Variants in DMD observed in about 807,000 individuals in gnomAD.
DMD encodes the protein dystrophin.
In DMD, 63 loss-of-function variants were observed where a neutral mutation model predicts 330.1. That is an observed-to-expected ratio of 0.19 (90% CI 0.16 to 0.24). The LOEUF (loss-of-function observed/expected upper bound fraction) is 0.24. Ranked by LOEUF, DMD falls within the 10% of genes least tolerant of loss-of-function variation. The probability of loss-of-function intolerance (pLI) is 1.00; values close to 1 mark genes in which losing one functional copy is unlikely to be tolerated. For synonymous variants in DMD, 1,223 were observed against 959.8 expected, an observed-to-expected ratio of 1.27 and a Z score of -5.07; for missense variants, 3,344 against 2,684.1, an observed-to-expected ratio of 1.25 and a Z score of -5.43.
chrX:32,376,309 G>A (rs1477946747), intron 34 of DMD, among the ~76,000 whole-genome samples: 4 of 111,112 alleles, frequency 3.6e-5, no homozygotes, highest in South Asian at 3.7e-4. Flanking sequence ...TCTTTCTTTC[G>A]GTATCTATTT....
rs556615104 is a variant in DMD at position 31,684,716 on chromosome X, G to A, written c.7661-5130C>T. 7.1e-5 allele frequency among the ~76,000 whole-genome samples: 8 copies of A among 112,191 alleles called. No individual in the cohort carries two copies. In the South Asian group the frequency reaches 1.5e-3, roughly 21 times the overall value. Reference sequence around the variant, plus strand: ...ATATCCATCTTAGAACAATTAAGAGGAATTAAACGGAACAAATACTGGGGA... The same window carrying A: ...ATATCCATCTTAGAACAATTAAGAGAAATTAAACGGAACAAATACTGGGGA... On this transcript the variant is annotated intron_variant, in intron 52 of 78. Transcript: ENST00000357033.
At chrX:33,124,386 G>T in intron 1 of DMD, among the ~76,000 whole-genome samples, 1 of 96,778 alleles carries the variant, frequency 1.0e-5, no homozygotes, top group Non-Finnish European at 2.0e-5. Context: ...TGACGCAGGA[G>T]AATCACTTGA....
At chrX:32,196,228 A>G (rs1428564948) in intron 44 of DMD, among the ~76,000 whole-genome samples, 1 of 112,467 alleles carries the variant, frequency 8.9e-6, no homozygotes, top group Non-Finnish European at 1.9e-5. Flanking sequence ...CACTTCAGTA[A>G]TGTAAAGAAA....
chrX:31,944,396 T>C (rs1176206581), intron 45 of DMD, among the ~76,000 whole-genome samples: 1 of 112,103 alleles, frequency 8.9e-6, no homozygotes. Flanking sequence ...GTAGAAGAGA[T>C]AGTTTAAAAA....
At chrX:32,694,240 C>T (rs6527219) in intron 9 of DMD, among the ~76,000 whole-genome samples, 15,604 of 110,900 alleles carry the variant, frequency 0.14, 2,629 homozygotes, top group African/African-American at 0.47. Context: ...TTTTCCTTGG[C>T]AATCTTATCC....
intron 63 of DMD, among the ~76,000 whole-genome samples, chrX:31,226,067 T>A (rs1017490607): frequency 1.8e-5 from 2 of 112,094 alleles, no homozygotes; most frequent in Non-Finnish European, 3.8e-5. Context: ...TGAGTCCTTG[T>A]TAGTCAAAGT....
chrX:31,910,844 C>T (rs1336952243), intron 47 of DMD, among the ~76,000 whole-genome samples: 1 of 112,100 alleles, frequency 8.9e-6, no homozygotes, highest in Non-Finnish European at 1.9e-5. Context: ...TTGATGGCAG[C>T]CTGAGTGAAA....
chrX:31,544,019 G>A (rs1569550572), intron 55 of DMD, among the ~76,000 whole-genome samples: 1 of 111,620 alleles, frequency 9.0e-6, no homozygotes, highest in Non-Finnish European at 1.9e-5. Flanking sequence ...AACTGTCAGA[G>A]TCATTTGGTT....
At chrX:31,333,471 G>T (rs1601930839) in intron 61 of DMD, among the ~76,000 whole-genome samples, 1 of 89,355 alleles carries the variant, frequency 1.1e-5, no homozygotes, top group Admixed American at 1.4e-4. Context: ...CTTTTGTGTT[G>T]GGTTCCAGGA....
intron 43 of DMD, among the ~76,000 whole-genome samples, chrX:32,252,165 CTT>C (rs1286032015): frequency 9.0e-6 from 1 of 111,258 alleles, no homozygotes; most frequent in Non-Finnish European, 1.9e-5. Context: ...TACACAAGGG[CTT>C]TCTTTTAGAA....
At chrX:32,269,429 T>A (rs1333532997) in intron 43 of DMD, among the ~76,000 whole-genome samples, 4 of 111,934 alleles carry the variant, frequency 3.6e-5, no homozygotes, top group African/African-American at 1.3e-4. Flanking sequence ...TGCTCTAAAG[T>A]TTTTAAATAA....
chrX:32,636,888 C>A (rs928268634), intron 11 of DMD, among the ~76,000 whole-genome samples: 1 of 109,985 alleles, frequency 9.1e-6, no homozygotes, highest in Non-Finnish European at 1.9e-5. Context: ...GTCCCAACTA[C>A]TGGGGAGGCT....
rs901862770 is a variant in DMD, at chrX:31,120,094, C to CTAAT, written c.*1821_*1824dup. 9.0e-6 allele frequency: 1 copy of CTAAT among 111,188 alleles called. No homozygotes were observed. Among genetic ancestry groups the CTAAT allele is most frequent in the South Asian group, 3.8e-4 (1 of 2,639 alleles). The allele number at this position is 111,188 out of a possible 1,213,427, so 9.2% of individuals were successfully genotyped here. A position where few individuals can be genotyped will look rare whatever the true frequency, so the allele number is the denominator to read the frequency against. ...TTGATGTCAGCCCACTCTCCAAAAG[C>CTAAT]TAATTACACTTGATGTCAGAGGTAA... On this transcript the variant is annotated 3_prime_UTR_variant, in exon 79 of 79. Transcript: ENST00000357033.
chrX:33,250,683 T>C lies in DMD; in HGVS notation c.7+88576A>G, dbSNP rs776781554. ...TAACTATCATATTTATTCAAATATA[T>C]GGAAATTTGCCTCCAAATATCAAAT... is the stretch of plus-strand genomic sequence containing the variant. On this transcript the variant is annotated intron_variant, in intron 1 of 17. Transcript: ENST00000288447. Among the ~76,000 whole-genome samples, 482 of 111,586 alleles carry C rather than the reference T, an allele frequency of 4.3e-3. 2 individuals are homozygous for C. Among genetic ancestry groups the C allele is most frequent in the African/African-American group, 0.015 (454 of 30,747 alleles).
chrX:33,081,992 G>A (rs1374067629), intron 1 of DMD, among the ~76,000 whole-genome samples: 2 of 106,567 alleles, frequency 1.9e-5, no homozygotes, highest in Non-Finnish European at 3.9e-5. Flanking sequence ...AACGGGTTCT[G>A]TGGTGCCTCC....
intron 44 of DMD, among the ~76,000 whole-genome samples, chrX:32,150,436 T>A (rs2096798572): frequency 9.0e-6 from 1 of 111,516 alleles, no homozygotes; most frequent in Non-Finnish European, 1.9e-5. Flanking sequence ...GGTGGTGGCA[T>A]ACCTAAATTA....
intron 7 of DMD, among the ~76,000 whole-genome samples, chrX:32,743,814 T>G (rs1487851885): frequency 9.0e-6 from 1 of 111,582 alleles, no homozygotes; most frequent in Non-Finnish European, 1.9e-5. Flanking sequence ...CTTATACAAC[T>G]AAATAAAATA....
intron 2 of DMD, among the ~76,000 whole-genome samples, chrX:32,943,728 T>G (rs1016388658): frequency 8.9e-6 from 1 of 112,138 alleles, no homozygotes; most frequent in African/African-American, 3.2e-5. Context: ...TCTTGATTGG[T>G]ATTGCAAACT....
intron 9 of DMD, among the ~76,000 whole-genome samples, chrX:32,669,430 A>G (rs777878963): frequency 8.9e-6 from 1 of 111,822 alleles, no homozygotes; most frequent in South Asian, 3.7e-4. Context: ...GTACCTAACT[A>G]TGTCTCCCAC....
Sources: allele counts gnomAD v4.1 joint callset (sites outside exome capture counted in the v4.1 genomes callset), GRCh38; gene constraint gnomAD v4.1.1; transcripts MANE v1.5; gene names NCBI Gene and HGNC (gene_info 2026-07-23, HGNC 2026-07-21).